Variants in ANKHD1 observed in about 807,000 individuals in gnomAD.
The protein encoded by ANKHD1 is ankyrin repeat and KH domain containing 1.
Under a neutral mutation model 230.5 loss-of-function variants are expected in ANKHD1, and 31 were observed. That is an observed-to-expected ratio of 0.13 (90% CI 0.10 to 0.18). The LOEUF (loss-of-function observed/expected upper bound fraction) is 0.18, where lower values mean the gene tolerates loss of function less well. ANKHD1 is among the 10% of genes least tolerant of loss of function. The pLI is 1.00. For missense variants in ANKHD1, 2,256 were observed against 3,071.3 expected (o/e 0.73, Z 6.27); for synonymous variants, 1,074 against 1,117.6 (o/e 0.96, Z 0.78).
chr5:140,499,941 T>C (rs994772996), intron 15 of ANKHD1, among the ~76,000 whole-genome samples: 2 of 151,700 alleles, frequency 1.3e-5, no homozygotes, highest in Admixed American at 6.6e-5. Context: ...TGATCTCGGC[T>C]CACTGCAACT....
At chr5:140,408,878 A>G (rs1770697029) in intron 1 of ANKHD1, among the ~76,000 whole-genome samples, 1 of 152,102 alleles carries the variant, frequency 6.6e-6, no homozygotes. Context: ...ATAGGTGTGC[A>G]CCACAATACT....
chr5:140,499,591 T>C (rs1752186343), intron 15 of ANKHD1, among the ~76,000 whole-genome samples: 1 of 152,190 alleles, frequency 6.6e-6, no homozygotes. Flanking sequence ...GTTTATATAA[T>C]TTATTAATGT....
chr5:140,435,990 A>T, intron 1 of ANKHD1, 114 bp from the exon 2 acceptor site: 1 of 1,301,584 alleles, frequency 7.7e-7, no homozygotes. Context: ...TTCTATAATA[A>T]TTTTTCTGCT....
intron 24 of ANKHD1, among the ~76,000 whole-genome samples, chr5:140,515,984 G>T (rs1581362617): frequency 6.6e-6 from 1 of 152,166 alleles, no homozygotes; most frequent in Admixed American, 6.6e-5. Flanking sequence ...GGCCTCAGAC[G>T]ATCAAATTAC....
intron 10 of ANKHD1, among the ~76,000 whole-genome samples, chr5:140,478,274 T>G (rs1751074287): frequency 6.7e-6 from 1 of 150,148 alleles, no homozygotes; most frequent in Non-Finnish European, 1.5e-5. Flanking sequence ...ACAAAAAATA[T>G]AGGGATGAAG....
chr5:140,519,336 G>A (rs959394368), intron 24 of ANKHD1, among the ~76,000 whole-genome samples: 1 of 152,208 alleles, frequency 6.6e-6, no homozygotes, highest in Non-Finnish European at 1.5e-5. Flanking sequence ...TCAGTATCGT[G>A]AAAATGGCCA....
At chr5:140,505,589 C>T in intron 17 of ANKHD1, 135 bp from the exon 18 acceptor site, 10 of 1,293,696 alleles carry the variant, frequency 7.7e-6, no homozygotes, top group Non-Finnish European at 1.0e-5. Context: ...GGGTTTAGAG[C>T]AGTTTTATGT....
chr5:140,423,652 G>A (rs1244852048), intron 1 of ANKHD1, among the ~76,000 whole-genome samples: 1 of 152,098 alleles, frequency 6.6e-6, no homozygotes, highest in African/African-American at 2.4e-5. Flanking sequence ...CTTCTATTAT[G>A]TTTCATTTAA....
chr5:140,409,099 A>AG (rs1274924220), intron 1 of ANKHD1, among the ~76,000 whole-genome samples: 2 of 152,194 alleles, frequency 1.3e-5, no homozygotes, highest in Non-Finnish European at 2.9e-5. Context: ...CTCCTGGTTG[A>AG]GAGCTACCGG....
chr5:140,515,043 C>T (rs915607072), intron 24 of ANKHD1, among the ~76,000 whole-genome samples: 3 of 151,588 alleles, frequency 2.0e-5, no homozygotes, highest in Admixed American at 6.6e-5. Flanking sequence ...TTTGGGAGGC[C>T]GAGGCGGGCA....
At position 140,496,592 on chromosome 5, in the gene ANKHD1, A is replaced by C. The variant is rs1561798806; in HGVS notation, c.2318A>C (p.Gln773Pro). The C allele has an allele frequency of 6.2e-7, 1 of 1,611,960 alleles. No individual in the cohort carries two copies. Among genetic ancestry groups the C allele is most frequent in the East Asian group, 2.2e-5 (1 of 44,792 alleles). ...QDLLPSFHPY[Q>P]PLECIVEETE... ...CTACTGCCATCTTTTCACCCATACCAGCCTTTGGAGTGCATAGTAGAGGAG... is the reference window on the plus strand; with the variant it reads ...CTACTGCCATCTTTTCACCCATACCCGCCTTTGGAGTGCATAGTAGAGGAG... Residue 773 changes from glutamine (Q) to proline (P), a missense_variant, in exon 15 of 34, where the codon CAG becomes CCG. Transcript: ENST00000360839.
At chr5:140,481,963 T>C (rs1028737310) in intron 10 of ANKHD1, among the ~76,000 whole-genome samples, 1 of 152,068 alleles carries the variant, frequency 6.6e-6, no homozygotes, top group Non-Finnish European at 1.5e-5. Flanking sequence ...CATGCATGGT[T>C]AAAAACTGTT....
At chr5:140,464,077 A>C (rs1481959539) in intron 9 of ANKHD1, among the ~76,000 whole-genome samples, 1 of 152,084 alleles carries the variant, frequency 6.6e-6, no homozygotes, top group Non-Finnish European at 1.5e-5. Flanking sequence ...CTCTACTAAA[A>C]ATACAAAAAT....
rs751153759 is a variant in ANKHD1 at position 140,528,258 on chromosome 5, A to C, written c.5312A>C (p.Glu1771Ala). The C allele has an allele frequency of 1.2e-6, 2 of 1,613,800 alleles. No individual in the cohort carries two copies. Among genetic ancestry groups the C allele is most frequent in the South Asian group, 2.2e-5 (2 of 91,068 alleles). The change falls in exon 29 of 34, where the codon GAA (glutamate) becomes GCA (alanine). Residue 1771 changes from glutamate to alanine, a missense_variant. By Grantham distance (107) the Glu-to-Ala change is moderately radical. Transcript: ENST00000360839. Reference protein sequence around the residue: ...ALIQDPAKELEDLIPKNHIRT... With the variant: ...ALIQDPAKELADLIPKNHIRT... The stretch of plus-strand genomic sequence containing the variant: ...ATTCAAGATCCTGCTAAGGAACTGG[A>C]AGACTTGATTCCTAAAAATCATATC...
At chr5:140,520,853 C>G (rs1226668564) in intron 24 of ANKHD1, among the ~76,000 whole-genome samples, 1 of 148,750 alleles carries the variant, frequency 6.7e-6, no homozygotes, top group Non-Finnish European at 1.5e-5. Context: ...ATGGGTGCAG[C>G]GCACCAGCAT....
chr5:140,494,958 G>A (rs1171431289), intron 14 of ANKHD1, among the ~76,000 whole-genome samples: 1 of 152,072 alleles, frequency 6.6e-6, no homozygotes, highest in African/African-American at 2.4e-5. Context: ...TAAATTTACT[G>A]AGTTGTGTAA....
Position 140,458,710 on chromosome 5 carries a change from C to T in ANKHD1, c.1328C>T (p.Thr443Met), listed in dbSNP as rs867910523. 6 of 1,613,310 alleles carry T rather than the reference C, an allele frequency of 3.7e-6. No homozygotes were observed. Among genetic ancestry groups the T allele is most frequent in the Middle Eastern group, 1.7e-4 (1 of 6,058 alleles). The change falls in exon 8 of 34, where the codon ACG (threonine) becomes ATG (methionine). Residue 443 changes from threonine (T) to methionine (M), a missense_variant. This residue lies in a region of ANKHD1 where 179 missense variants were observed against 261.8 expected (regional missense o/e 0.68). Coordinates refer to ENST00000360839, the MANE Select transcript of ANKHD1 (RefSeq NM_017747.3). ...GCAGATTCATTTGAATCTCCATTGA[C>T]GCTAGCTGCCTGTGGAGGACATGTT... The part of the protein sequence containing the change: ...MPADSFESPL[T>M]LAACGGHVEL...
At chr5:140,452,683 A>G (rs921812933) in intron 7 of ANKHD1, among the ~76,000 whole-genome samples, 6 of 152,218 alleles carry the variant, frequency 3.9e-5, no homozygotes, top group Admixed American at 3.9e-4. Flanking sequence ...AAAACTAACA[A>G]ACAGAAAGGA....
intron 6 of ANKHD1, among the ~76,000 whole-genome samples, chr5:140,446,931 C>T (rs755383692): frequency 8.6e-5 from 13 of 151,430 alleles, no homozygotes; most frequent in Non-Finnish European, 1.0e-4. Flanking sequence ...TTTTTTGAGA[C>T]GGAGTTTCAC....
Sources: allele counts gnomAD v4.1 joint callset (sites outside exome capture counted in the v4.1 genomes callset), GRCh38; gene constraint gnomAD v4.1.1; regional missense constraint gnomAD v4.1.1; transcripts MANE v1.5; gene names NCBI Gene and HGNC (gene_info 2026-07-23, HGNC 2026-07-21).